LIMS2: variants seen among roughly 807,000 people sequenced by gnomAD.
LIMS2 encodes the protein LIM zinc finger domain containing 2.
Under a neutral mutation model 45.3 loss-of-function variants are expected in LIMS2, and 30 were observed. The ratio of observed to expected loss-of-function variants is 0.66; its 90% CI spans 0.50 to 0.90. The LOEUF is 0.90. LIMS2 is among the 40% of genes least tolerant of loss of function. The probability of loss-of-function intolerance (pLI) is 0.00; values close to 1 mark genes in which losing one functional copy is unlikely to be tolerated. For missense variants in LIMS2, 485 were observed against 468.7 expected (o/e 1.03, Z -0.32); for synonymous variants, 173 against 188.0 (o/e 0.92, Z 0.65).
At chr2:127,649,950 C>G in intron 4 of LIMS2, 1 of 1,406,568 alleles carries the variant, frequency 7.1e-7, no homozygotes, top group Non-Finnish European at 9.9e-7. Flanking sequence ...AGAAAATACT[C>G]CCAGCTGGCC....
At chr2:127,643,135 G>A in intron 4 of LIMS2, 63 bp from the exon 5 acceptor site, 1 of 1,505,168 alleles carries the variant, frequency 6.6e-7, no homozygotes, top group Non-Finnish European at 8.9e-7. Flanking sequence ...CCACCTCCAG[G>A]AGAAGAGAGG....
intron 1 of LIMS2, among the ~76,000 whole-genome samples, chr2:127,668,668 C>CAA (rs70985469): frequency 0.014 from 239 of 17,244 alleles, 49 homozygotes; most frequent in Non-Finnish European, 0.017. Context: ...GACTCCGTCT[C>CAA]AAAAAAAAAA....
At chr2:127,660,617 T>C (rs955269251) in intron 1 of LIMS2, among the ~76,000 whole-genome samples, 3 of 152,136 alleles carry the variant, frequency 2.0e-5, no homozygotes, top group Admixed American at 6.5e-5. Context: ...TCCGGACATA[T>C]CTGAACGTCT....
chr2:127,648,989 GA>G (rs1196225602), intron 4 of LIMS2, among the ~76,000 whole-genome samples: 340 of 23,168 alleles, frequency 0.015, 3 homozygotes, highest in East Asian at 0.044. Flanking sequence ...GAGGGGAGGG[GA>G]GGGAGGGGAG....
upstream of LIMS2, among the ~76,000 whole-genome samples, chr2:127,676,730 A>C (rs1358972378): frequency 6.6e-6 from 1 of 152,146 alleles, no homozygotes; most frequent in African/African-American, 2.4e-5. Flanking sequence ...TGGTTGATTA[A>C]GCTTAAGTAT....
chr2:127,641,255 G>T, intron 6 of LIMS2: 1 of 396,772 alleles, frequency 2.5e-6, no homozygotes, highest in South Asian at 3.2e-5. Flanking sequence ...AGGCACTGAT[G>T]GTAACCTTGT....
intron 2 of LIMS2, chr2:127,655,199 C>T (rs765980173): frequency 7.5e-5 from 38 of 504,718 alleles, no homozygotes; most frequent in Admixed American, 4.6e-4. Context: ...AGGCTGGGGG[C>T]GAGGCGGTTT....
chr2:127,674,928 G>T, intron 1 of LIMS2, 86 bp downstream of exon 1: 1 of 1,222,950 alleles, frequency 8.2e-7, no homozygotes, highest in Non-Finnish European at 1.0e-6. Flanking sequence ...GTGGCGCCGC[G>T]GGGCTGTACG....
At chr2:127,673,967 G>A in intron 1 of LIMS2, 1 of 538,122 alleles carries the variant, frequency 1.9e-6, no homozygotes, top group South Asian at 2.1e-5. Flanking sequence ...GGCTTGGGGA[G>A]AAGAAAGGGA....
chr2:127,640,573 G>A, intron 7 of LIMS2: 1 of 601,274 alleles, frequency 1.7e-6, no homozygotes, highest in Admixed American at 2.9e-5. Context: ...GCAAGGAGGT[G>A]GGCCCAGGTG....
In LIMS2 at chr2:127,642,324, C is replaced by T. The variant is rs1298587605; in HGVS notation, c.510-125G>A. Reference sequence around the variant, plus strand: ...TTCTGTCCCTGCAGAGCCGAGGCGGCAGCGCCTTCTGATCTCTGGGCACTT... The same window carrying T: ...TTCTGTCCCTGCAGAGCCGAGGCGGTAGCGCCTTCTGATCTCTGGGCACTT... On this transcript the variant is annotated intron_variant, in intron 5 of 9. Coordinates refer to ENST00000355119, the MANE Select transcript of LIMS2 (RefSeq NM_001161403.3). This position sits in a 1 kb window ranked among gnomAD's most constrained non-coding sequence, Gnocchi z 5.3. 7 of 1,161,186 alleles carry T rather than the reference C, an allele frequency of 6.0e-6. No individual in the cohort carries two copies. Among genetic ancestry groups the T allele is most frequent in the Non-Finnish European group, 8.1e-6 (7 of 859,054 alleles). 71.9% of individuals were successfully genotyped at this position (1,161,186 alleles called of 1,614,324 possible). A position where few individuals can be genotyped will look rare whatever the true frequency, so the allele number is the denominator to read the frequency against.
chr2:127,643,537 C>T (rs1207732806), intron 4 of LIMS2: 9 of 456,716 alleles, frequency 2.0e-5, no homozygotes, highest in South Asian at 3.1e-5. Context: ...GGCCCAAACA[C>T]GTACAGGCGA....
At position 127,647,859 on chromosome 2, in the gene LIMS2, C is replaced by T; in HGVS notation, c.360-4787G>A. Among the ~76,000 whole-genome samples, 1 of 152,068 alleles carries T rather than the reference C, an allele frequency of 6.6e-6. No individual in the cohort carries two copies. The highest frequency in any genetic ancestry group is 6.5e-5 in the Admixed American group (1 of 15,284). On this transcript the variant is annotated intron_variant, in intron 4 of 9. Coordinates refer to ENST00000355119, the MANE Select transcript of LIMS2 (RefSeq NM_001161403.3). This position sits in a 1 kb window ranked among gnomAD's most constrained non-coding sequence, Gnocchi z 4.3. ...ACACGACACCCTCAAAGTCATGGGCCCCCCTCCCCTGCCACCGTCCCACCG... is the reference window on the plus strand; with the variant it reads ...ACACGACACCCTCAAAGTCATGGGCTCCCCTCCCCTGCCACCGTCCCACCG...
At chr2:127,668,937 C>T (rs1573846216) in intron 1 of LIMS2, among the ~76,000 whole-genome samples, 2 of 151,232 alleles carry the variant, frequency 1.3e-5, no homozygotes, top group Admixed American at 6.6e-5. Flanking sequence ...ACAAAAAATA[C>T]AGAAAGTAGC....
intron 1 of LIMS2, among the ~76,000 whole-genome samples, chr2:127,662,244 G>A (rs374946424): frequency 6.6e-6 from 1 of 152,170 alleles, no homozygotes; most frequent in Non-Finnish European, 1.5e-5. Context: ...GGGACTGTTG[G>A]GAGGGTTCAG....
intron 3 of LIMS2, 87 bp from the exon 4 acceptor site, chr2:127,654,631 G>T (rs1573810776): frequency 6.3e-7 from 1 of 1,584,584 alleles, no homozygotes; most frequent in Non-Finnish European, 8.6e-7. Context: ...CTAGCACTCC[G>T]CCTGCTCTCT....
upstream of LIMS2, among the ~76,000 whole-genome samples, chr2:127,676,760 C>T (rs1685512037): frequency 6.6e-6 from 1 of 152,138 alleles, no homozygotes; most frequent in African/African-American, 2.4e-5. Context: ...CTTGGCTCAC[C>T]TGCTCATACA....
Position 127,664,476 on chromosome 2 carries a change from TG to T in LIMS2, c.12-6915del. Reference sequence around the variant, plus strand: ...ACCTCGGAGGGGAGGCGCGGCCGCCTGGGGCCAGACACCAAGACGGGACGGG... The same window carrying T: ...ACCTCGGAGGGGAGGCGCGGCCGCCTGGGCCAGACACCAAGACGGGACGGG... On this transcript the variant is annotated intron_variant, in intron 1 of 9. Coordinates refer to ENST00000355119, the MANE Select transcript of LIMS2 (RefSeq NM_001161403.3). This position sits in a 1 kb window ranked among gnomAD's most constrained non-coding sequence, Gnocchi z 5.5. 8.5e-7 allele frequency: 1 copy of T among 1,177,156 alleles called. No individual in the cohort carries two copies. Among genetic ancestry groups the T allele is most frequent in the Non-Finnish European group, 1.0e-6 (1 of 953,020 alleles). The allele number at this position is 1,177,156 out of a possible 1,614,324, so 72.9% of individuals were successfully genotyped here. A position where few individuals can be genotyped will look rare whatever the true frequency, so the allele number is the denominator to read the frequency against.
intron 4 of LIMS2, chr2:127,650,933 C>T: frequency 1.2e-6 from 2 of 1,613,994 alleles, no homozygotes; most frequent in Non-Finnish European, 8.5e-7. Flanking sequence ...GGACCCCGGC[C>T]AACGTGTTCC....
Sources: gnomAD v4.1 joint callset for allele counts (sites outside exome capture counted in the v4.1 genomes callset) on GRCh38, gnomAD v4.1.1 for gene constraint, Gnocchi (gnomAD v3.1) non-coding constraint, MANE v1.5 for transcripts, NCBI Gene and HGNC (gene_info 2026-07-23, HGNC 2026-07-21) for gene names.